Variants in PACS1 observed in about 807,000 individuals in gnomAD.
The protein encoded by PACS1 is PACS-1.
A neutral mutation model predicts 115.0 loss-of-function variants in PACS1; 24 were observed. The ratio of observed to expected loss-of-function variants is 0.21; its 90% CI spans 0.15 to 0.29. The LOEUF (loss-of-function observed/expected upper bound fraction) is 0.29, where lower values mean the gene tolerates loss of function less well. PACS1 is among the 10% of genes least tolerant of loss of function. PACS1 has a pLI of 1.00. For missense variants in PACS1, 838 were observed against 1,251.2 expected (o/e 0.67, Z 4.98); for synonymous variants, 453 against 504.5 (o/e 0.90, Z 1.37).
chr11:66,152,166 C>T (rs907238477), intron 1 of PACS1, among the ~76,000 whole-genome samples: 2 of 152,000 alleles, frequency 1.3e-5, no homozygotes, highest in African/African-American at 2.4e-5. Flanking sequence ...CCCAAGAGAT[C>T]GAGGCTGCAG....
At chr11:66,241,712 C>G (rs1438820728) in intron 22 of PACS1, 59 bp downstream of exon 22, 2 of 1,363,144 alleles carry the variant, frequency 1.5e-6, no homozygotes, top group African/African-American at 1.4e-5. Flanking sequence ...TCTCGTCTCT[C>G]AGGGCCTGGG....
chr11:66,118,783 A>G (rs865817806), intron 1 of PACS1, among the ~76,000 whole-genome samples: 1 of 151,252 alleles, frequency 6.6e-6, no homozygotes, highest in South Asian at 2.1e-4. Context: ...AAAAAAAAAA[A>G]AAAAAAAAAG....
At chr11:66,130,459 G>A (rs1171112343) in intron 1 of PACS1, among the ~76,000 whole-genome samples, 2 of 151,850 alleles carry the variant, frequency 1.3e-5, no homozygotes, top group African/African-American at 4.8e-5. Context: ...TGTTTTTATT[G>A]TTTTCTGTTG....
At chr11:66,080,499 A>C (rs1037440941) in intron 1 of PACS1, among the ~76,000 whole-genome samples, 2 of 152,236 alleles carry the variant, frequency 1.3e-5, no homozygotes, top group African/African-American at 4.8e-5. Flanking sequence ...AGTGAAGCTG[A>C]TGACCAGAGC....
chr11:66,124,060 G>C (rs1858514212), intron 1 of PACS1, among the ~76,000 whole-genome samples: 1 of 152,194 alleles, frequency 6.6e-6, no homozygotes, highest in Non-Finnish European at 1.5e-5. Flanking sequence ...CGCAGCTTTG[G>C]CAATACCGTC....
intron 1 of PACS1, among the ~76,000 whole-genome samples, chr11:66,172,064 C>G (rs1405204279): frequency 6.6e-6 from 1 of 152,174 alleles, no homozygotes; most frequent in African/African-American, 2.4e-5. Context: ...CCACGCTTGC[C>G]GTACCGTTTA....
At chr11:66,205,156 T>A (rs897562076) in intron 2 of PACS1, among the ~76,000 whole-genome samples, 8 of 152,086 alleles carry the variant, frequency 5.3e-5, no homozygotes, top group African/African-American at 1.7e-4. Flanking sequence ...AGCTAAATTT[T>A]GTATTTTTAG....
chr11:66,200,933 A>G (rs77648183), intron 2 of PACS1, among the ~76,000 whole-genome samples: 1 of 151,972 alleles, frequency 6.6e-6, no homozygotes. Flanking sequence ...AAAAAAAAAA[A>G]GTTGAGGCCA....
intron 1 of PACS1, among the ~76,000 whole-genome samples, chr11:66,155,013 G>T (rs889763459): frequency 6.6e-6 from 1 of 152,190 alleles, no homozygotes; most frequent in African/African-American, 2.4e-5. Context: ...TGCAGCAAAG[G>T]TCCTGAGGCA....
chr11:66,084,621 T>C (rs542898203), intron 1 of PACS1, among the ~76,000 whole-genome samples: 86 of 152,130 alleles, frequency 5.7e-4, no homozygotes, highest in Non-Finnish European at 1.0e-3. Context: ...TCTGGGCATA[T>C]TGTCAAGCCT....
chr11:66,232,955 C>T lies in PACS1; in HGVS notation c.1732-5C>T, dbSNP rs1345197652. ...TGTCCCTGCTCTCCTCCCTCCCTATCCCAGTATGTGGCTGAGCTGCTCCAG... is the reference window on the plus strand; with the variant it reads ...TGTCCCTGCTCTCCTCCCTCCCTATTCCAGTATGTGGCTGAGCTGCTCCAG... On this transcript the variant is annotated splice_polypyrimidine_tract_variant and splice_region_variant and intron_variant, in intron 14 of 23. Coordinates refer to ENST00000320580, the MANE Select transcript of PACS1 (RefSeq NM_018026.4). The T allele has an allele frequency of 6.2e-7, 1 of 1,607,926 alleles. No homozygotes were observed. The highest frequency in any genetic ancestry group is 2.2e-5 in the East Asian group (1 of 44,852).
In PACS1 at chr11:66,235,761, C is replaced by T. The variant is rs1380806488; in HGVS notation, c.2208-137C>T. The stretch of plus-strand genomic sequence containing the variant: ...CAAGTCCCAGACCTTCCCCATGCCA[C>T]CCCAGGATGTGATGGGCAGAGGCAG... On this transcript the variant is annotated intron_variant, in intron 18 of 23. Coordinates refer to ENST00000320580, the MANE Select transcript of PACS1 (RefSeq NM_018026.4). This position sits in a 1 kb window ranked among gnomAD's most constrained non-coding sequence, Gnocchi z 5.6. The T allele has an allele frequency of 5.0e-6, 4 of 800,052 alleles. No homozygotes were observed. The South Asian group carries it at 5.5e-5, about 11-fold the overall frequency. 49.6% of individuals were successfully genotyped at this position (800,052 alleles called of 1,614,324 possible). A position where few individuals can be genotyped will look rare whatever the true frequency, so the allele number is the denominator to read the frequency against.
At chr11:66,231,923 C>T (rs1855604151) in intron 13 of PACS1, 1 of 411,820 alleles carries the variant, frequency 2.4e-6, no homozygotes, top group African/African-American at 2.0e-5. Context: ...TCCACCTGCC[C>T]TGGCAGGACA....
At chr11:66,162,052 C>G (rs145518883) in intron 1 of PACS1, among the ~76,000 whole-genome samples, 1 of 141,988 alleles carries the variant, frequency 7.0e-6, no homozygotes, top group Non-Finnish European at 1.5e-5. Context: ...ATGAGATAAT[C>G]TTGGATTGAA....
rs933428524 is a variant in PACS1 at position 66,079,198 on chromosome 11, T to G, written c.356+8356T>G. ...CACCGCCCAGCCTCTTTTCAGTTGT[T>G]TTTCTGAAACATTGTGTGTGTTTGT... On this transcript the variant is annotated intron_variant, in intron 1 of 23. Transcript: ENST00000320580. Among the ~76,000 whole-genome samples the G allele has an allele frequency of 2.0e-5, 3 of 152,216 alleles. No homozygotes were observed. The South Asian group carries it at 6.2e-4, about 32-fold the overall frequency.
chr11:66,166,392 CTGCCT>C (rs753780952), intron 1 of PACS1, among the ~76,000 whole-genome samples: 8 of 152,214 alleles, frequency 5.3e-5, no homozygotes, highest in Non-Finnish European at 1.5e-5. Flanking sequence ...GGTGATCCAC[CTGCCT>C]TGGCCTCCCA....
chr11:66,234,251 C>G lies in PACS1; in HGVS notation c.2104+9C>G, dbSNP rs1855661578. The G allele has an allele frequency of 6.3e-7, 1 of 1,591,964 alleles. No homozygotes were observed. The highest frequency in any genetic ancestry group is 8.6e-7 in the Non-Finnish European group (1 of 1,159,734). On this transcript the variant is annotated intron_variant, in intron 17 of 23. Transcript: ENST00000320580. Reference sequence around the variant, plus strand: ...GGAGCCACCAGTGTCAGGTAATGGCCCCGTGTAAGGAGCTTACTCCCACCC... The same window carrying G: ...GGAGCCACCAGTGTCAGGTAATGGCGCCGTGTAAGGAGCTTACTCCCACCC...
At chr11:66,177,965 A>G (rs1017180289) in intron 1 of PACS1, among the ~76,000 whole-genome samples, 1 of 149,042 alleles carries the variant, frequency 6.7e-6, no homozygotes, top group East Asian at 1.9e-4. Context: ...AATGTAGTGA[A>G]TTAATGCATC....
intron 1 of PACS1, among the ~76,000 whole-genome samples, chr11:66,123,099 A>G (rs919037290): frequency 9.9e-5 from 15 of 151,978 alleles, no homozygotes; most frequent in Non-Finnish European, 2.1e-4. Flanking sequence ...AGCAGTCACC[A>G]TCCTGATCAG....
Sources: allele counts gnomAD v4.1 joint callset (sites outside exome capture counted in the v4.1 genomes callset), GRCh38; gene constraint gnomAD v4.1.1; non-coding constraint Gnocchi (gnomAD v3.1); transcripts MANE v1.5; gene names NCBI Gene and HGNC (gene_info 2026-07-23, HGNC 2026-07-21).